GOLGA8A: variants seen among roughly 807,000 people sequenced by gnomAD.
The protein encoded by GOLGA8A is golgin subfamily A member 8A.
Under a neutral mutation model 22.1 loss-of-function variants are expected in GOLGA8A, and 3 were observed. The ratio of observed to expected loss-of-function variants is 0.14; its 90% CI spans 0.06 to 0.35. GOLGA8A has a LOEUF of 0.35. Among genes scored for constraint, GOLGA8A ranks in the 10% least tolerant of loss-of-function variants. The pLI, the probability that GOLGA8A is intolerant of heterozygous loss-of-function variation, is 1.00. For missense variants in GOLGA8A, 16 were observed against 233.2 expected, an observed-to-expected ratio of 0.07 and a Z score of 6.07; for synonymous variants, 7 against 91.7, an observed-to-expected ratio of 0.08 and a Z score of 5.28.
rs2140187270 is a variant in GOLGA8A, at chr15:34,379,682, C to T, written c.*1729G>A. The stretch of plus-strand genomic sequence containing the variant: ...TGGAGATGGTCTAGTAACTAGAAAA[C>T]TCCCCACCCCAGGGAGCACACCTAC... On this transcript the variant is annotated 3_prime_UTR_variant, in exon 25 of 25. Transcript: ENST00000359187. 6.5e-6 allele frequency: 1 copy of T among 152,730 alleles called. No individual in the cohort carries two copies. The highest frequency in any genetic ancestry group is 1.5e-5 in the Non-Finnish European group (1 of 68,030). The allele number at this position is 152,730 out of a possible 1,614,324, so 9.5% of individuals were successfully genotyped here. A position where few individuals can be genotyped will look rare whatever the true frequency, so the allele number is the denominator to read the frequency against.
chr15:34,381,738 T>TG lies in GOLGA8A; in HGVS notation c.1571dup (p.Ala525SerfsTer13). On this transcript the variant is annotated frameshift_variant, in exon 24 of 25. Transcript: ENST00000359187. LOFTEE classifies it high-confidence loss of function. The stretch of plus-strand genomic sequence containing the variant: ...CGGCAGCCCCGAGCTCCTGGGGGGC[T>TG]GGGGCTCCTGGACTGGGTTCAGCAG... 5 of 1,267,924 alleles carry TG rather than the reference T, an allele frequency of 3.9e-6. No homozygotes were observed. The highest frequency in any genetic ancestry group is 5.5e-6 in the Non-Finnish European group (5 of 903,920). The allele number at this position is 1,267,924 out of a possible 1,614,324, so 78.5% of individuals were successfully genotyped here. A position where few individuals can be genotyped will look rare whatever the true frequency, so the allele number is the denominator to read the frequency against.
rs1891362615 is a variant in GOLGA8A, at chr15:34,379,368, A to C, written c.*2043T>G. On this transcript the variant is annotated 3_prime_UTR_variant, in exon 25 of 25. Transcript: ENST00000359187. ...CATTTTTTAATATTTATATTATTTT[A>C]AAATGACTCTTTAAGATACAGTTTT... The C allele has an allele frequency of 6.6e-6, 1 of 152,540 alleles. No homozygotes were observed. Among genetic ancestry groups the C allele is most frequent in the Admixed American group, 6.5e-5 (1 of 15,288 alleles). The allele number at this position is 152,540 out of a possible 1,614,324, so 9.4% of individuals were successfully genotyped here.
At chr15:34,418,529 G>C (rs1892666393) in intron 2 of GOLGA8A, 1 of 145,716 alleles carries the variant, frequency 6.9e-6, no homozygotes, top group Non-Finnish European at 1.5e-5. Flanking sequence ...TTTGGGGCCA[G>C]CTTTGAGCTG....
chr15:34,429,221 TCA>T (rs1476584845), intron 2 of GOLGA8A, among the ~76,000 whole-genome samples: 1 of 147,482 alleles, frequency 6.8e-6, no homozygotes, highest in African/African-American at 2.5e-5. Flanking sequence ...GCTGCAGAAA[TCA>T]CTCTCCTAGA....
At chr15:34,431,341 A>ATCTC (rs1566914029) in intron 2 of GOLGA8A, among the ~76,000 whole-genome samples, 1 of 103,090 alleles carries the variant, frequency 9.7e-6, no homozygotes, top group Non-Finnish European at 2.0e-5. Flanking sequence ...ATATATATAT[A>ATCTC]TATATCTCAC....
In GOLGA8A at chr15:34,426,697, C is replaced by G. The variant is rs2261586; in HGVS notation, c.-1123+8686G>C. Among the ~76,000 whole-genome samples the G allele has an allele frequency of 3.0e-4, 43 of 144,474 alleles. 3 individuals are homozygous for G. In the East Asian group the frequency reaches 4.1e-3, roughly 14 times the overall value. 94.8% of individuals were successfully genotyped at this position (144,474 alleles called of 152,430 possible). Reference sequence around the variant, plus strand: ...AAATTCCACTGCCAGAAAAATGGCACCTTTCTTCTCCAGAGATACAAGATA... The same window carrying G: ...AAATTCCACTGCCAGAAAAATGGCAGCTTTCTTCTCCAGAGATACAAGATA... On this transcript the variant is annotated intron_variant, in intron 2 of 24. Coordinates refer to ENST00000359187, the MANE Select transcript of GOLGA8A (RefSeq NM_181077.5).
chr15:34,437,243 T>A (rs1480173267), intron 1 of GOLGA8A, among the ~76,000 whole-genome samples, 155 bp downstream of exon 1: 1 of 144,474 alleles, frequency 6.9e-6, no homozygotes, highest in East Asian at 2.1e-4. Context: ...AGCGGCGGCC[T>A]CCCCGCAGCC....
In GOLGA8A at chr15:34,381,121, T is replaced by C. The variant is rs1377742708; in HGVS notation, c.*290A>G. On this transcript the variant is annotated 3_prime_UTR_variant, in exon 25 of 25. Transcript: ENST00000359187. ...GTGCAAAGAGTGGGTCTTTGTGTGT[T>C]TGAACTCCCACCACGTAAGGGCAAA... 8.2e-6 allele frequency: 4 copies of C among 489,746 alleles called. No homozygotes were observed. Among genetic ancestry groups the C allele is most frequent in the East Asian group, 3.8e-5 (1 of 26,190 alleles). 30.3% of individuals were successfully genotyped at this position (489,746 alleles called of 1,614,324 possible).
Position 34,380,974 on chromosome 15 carries a change from G to T in GOLGA8A, c.*437C>A. 1 of 330,546 alleles carries T rather than the reference G, an allele frequency of 3.0e-6. No individual in the cohort carries two copies. The highest frequency in any genetic ancestry group is 5.8e-6 in the Non-Finnish European group (1 of 171,948). The allele number at this position is 330,546 out of a possible 1,614,324, so 20.5% of individuals were successfully genotyped here. The stretch of plus-strand genomic sequence containing the variant: ...CTATAGAAGAGCTCACTGTGATTAA[G>T]ATGAGATCAAACATCATAGCAGAAC... On this transcript the variant is annotated 3_prime_UTR_variant, in exon 25 of 25. Transcript: ENST00000359187.
At chr15:34,426,648 G>A (rs1323483629) in intron 2 of GOLGA8A, among the ~76,000 whole-genome samples, 1 of 144,792 alleles carries the variant, frequency 6.9e-6, no homozygotes, top group East Asian at 2.1e-4. Flanking sequence ...CCCCGTTGAT[G>A]GAGCCAGGGT....
intron 2 of GOLGA8A, chr15:34,417,530 T>C (rs1566909480): frequency 7.2e-6 from 1 of 138,940 alleles, no homozygotes. Flanking sequence ...TTTTTCATGA[T>C]TGTGCCTTCA....
chr15:34,436,967 G>C (rs1325982836), intron 1 of GOLGA8A, among the ~76,000 whole-genome samples: 1 of 149,570 alleles, frequency 6.7e-6, no homozygotes, highest in Non-Finnish European at 1.5e-5. Context: ...AAACTCAGTA[G>C]TTGCCGCCCG....
chr15:34,386,147 G>A (rs1466463301), intron 12 of GOLGA8A, among the ~76,000 whole-genome samples: 2 of 147,942 alleles, frequency 1.4e-5, no homozygotes, highest in African/African-American at 2.7e-5. Context: ...GATATAGGAT[G>A]GAAAAGAACA....
intron 2 of GOLGA8A, among the ~76,000 whole-genome samples, chr15:34,425,935 G>A (rs549113483): frequency 7.0e-6 from 1 of 143,846 alleles, no homozygotes; most frequent in Admixed American, 7.3e-5. Context: ...TCCAGAGAGC[G>A]TCGATGTCCA....
rs556481648 is a variant in GOLGA8A at position 34,380,916 on chromosome 15, C to T, written c.*495G>A. 3.8e-6 allele frequency: 1 copy of T among 266,392 alleles called. No individual in the cohort carries two copies. Among genetic ancestry groups the T allele is most frequent in the Admixed American group, 5.1e-5 (1 of 19,418 alleles). 16.5% of individuals were successfully genotyped at this position (266,392 alleles called of 1,614,324 possible). ...CAGTGGCATATTACAAAGTAATAAA[C>T]AGTGCACACTTGAGGGCAAACCGCA... On this transcript the variant is annotated 3_prime_UTR_variant, in exon 25 of 25. Transcript: ENST00000359187.
At chr15:34,414,758 G>A (rs200367059) in intron 2 of GOLGA8A, among the ~76,000 whole-genome samples, 12,642 of 103,578 alleles carry the variant, frequency 0.12, 1,544 homozygotes, top group South Asian at 0.35. Context: ...CCCTAGTTCT[G>A]CAGCTCTGGG....
intron 2 of GOLGA8A, among the ~76,000 whole-genome samples, chr15:34,425,938 G>A (rs1595664620): frequency 1.4e-5 from 2 of 141,610 alleles, no homozygotes; most frequent in African/African-American, 5.1e-5. Flanking sequence ...AGAGAGCGTC[G>A]ATGTCCAGAG....
rs866280825 is a variant in GOLGA8A, at chr15:34,435,455, A to G, written c.-1195T>C. 1 of 149,018 alleles carries G rather than the reference A, an allele frequency of 6.7e-6. No homozygotes were observed. The highest frequency in any genetic ancestry group is 6.8e-5 in the Admixed American group (1 of 14,756). The allele number at this position is 149,018 out of a possible 1,614,324, so 9.2% of individuals were successfully genotyped here. ...TTTATGCACCTCCATTTCACAATCC[A>G]TCTCCACCGATTATTCCTGTAAAAC... On this transcript the variant is annotated 5_prime_UTR_variant, in exon 2 of 25. An upstream start codon of the reference 5' UTR is lost. Transcript: ENST00000359187.
intron 2 of GOLGA8A, among the ~76,000 whole-genome samples, chr15:34,431,291 TTATATATATATATATATATA>T (rs1893220182): frequency 8.9e-6 from 1 of 112,136 alleles, no homozygotes; most frequent in Non-Finnish European, 1.8e-5. Flanking sequence ...TGAAAAAAAA[TTATATATATATATATATATA>T]CATATATATA....
Sources: allele counts gnomAD v4.1 joint callset (sites outside exome capture counted in the v4.1 genomes callset), GRCh38; gene constraint gnomAD v4.1.1; transcripts MANE v1.5; gene names NCBI Gene and HGNC (gene_info 2026-07-23, HGNC 2026-07-21).